Variants in MMS22L observed in about 807,000 individuals in gnomAD.
MMS22L encodes protein MMS22-like.
In MMS22L, 74 loss-of-function variants were observed where a neutral mutation model predicts 159.1. The observed-to-expected ratio is 0.47, with a 90% CI of 0.39 to 0.56. MMS22L has a LOEUF of 0.56. MMS22L is among the 20% of genes least tolerant of loss of function. MMS22L has a pLI of 0.00. For missense variants in MMS22L, 1,351 were observed against 1,422.1 expected (o/e 0.95, Z 0.80); for synonymous variants, 517 against 506.9 (o/e 1.02, Z -0.27).
chr6:97,147,168 G>A (rs1800963569), intron 24 of MMS22L, among the ~76,000 whole-genome samples: 1 of 152,088 alleles, frequency 6.6e-6, no homozygotes, highest in Non-Finnish European at 1.5e-5. Context: ...ATGCTCACGG[G>A]TAATAAAATG....
In MMS22L at chr6:97,254,490, C is replaced by G. The variant is rs1166261380; in HGVS notation, c.1119+67G>C. ...TTTCTTGTTTCTGCTCACTTATTTTCTAATTTGTCCAAATAATTACATATT... is the reference window on the plus strand; with the variant it reads ...TTTCTTGTTTCTGCTCACTTATTTTGTAATTTGTCCAAATAATTACATATT... On this transcript the variant is annotated intron_variant, in intron 10 of 24. Transcript: ENST00000683635. The G allele has an allele frequency of 3.1e-6, 4 of 1,307,840 alleles. No individual in the cohort carries two copies. In the East Asian group the frequency reaches 7.6e-5, roughly 25 times the overall value. The allele number at this position is 1,307,840 out of a possible 1,614,324, so 81.0% of individuals were successfully genotyped here.
chr6:97,256,171 GC>G (rs1813787948), intron 9 of MMS22L, among the ~76,000 whole-genome samples: 1 of 151,778 alleles, frequency 6.6e-6, no homozygotes, highest in Non-Finnish European at 1.5e-5. Context: ...CCCTCTACCT[GC>G]TTGGAAGTTA....
At position 97,231,546 on chromosome 6, in the gene MMS22L, T is replaced by A; in HGVS notation, c.1409A>T (p.Gln470Leu). ...GCTGGATTTATATAGTTCCTGATCTTGTTTATCGCAACAGCAAGTCTTCAC... is the reference window on the plus strand; with the variant it reads ...GCTGGATTTATATAGTTCCTGATCTAGTTTATCGCAACAGCAAGTCTTCAC... ...EMVKTCCCDK[Q>L]DQELYKSSSS... The change falls in exon 13 of 25, where the codon CAA becomes CTA. Residue 470 changes from glutamine to leucine, a missense_variant. Gln to Leu is a moderately radical substitution (Grantham distance 113, BLOSUM62 -2). Coordinates refer to ENST00000683635, the MANE Select transcript of MMS22L (RefSeq NM_001350599.2). 6.2e-7 allele frequency: 1 copy of A among 1,613,850 alleles called. No homozygotes were observed.
chr6:97,239,883 C>G (rs926724450), intron 11 of MMS22L, among the ~76,000 whole-genome samples: 3 of 152,118 alleles, frequency 2.0e-5, no homozygotes, highest in African/African-American at 7.2e-5. Context: ...TCCAATCCAG[C>G]CTGGGTGACA....
intron 9 of MMS22L, among the ~76,000 whole-genome samples, chr6:97,257,158 T>C (rs2128062834): frequency 6.6e-6 from 1 of 152,334 alleles, no homozygotes; most frequent in South Asian, 2.1e-4. Context: ...ATATTTTTGT[T>C]GTTCCACTTC....
chr6:97,147,203 CA>C (rs1800964983), intron 24 of MMS22L, among the ~76,000 whole-genome samples: 1 of 152,066 alleles, frequency 6.6e-6, no homozygotes, highest in South Asian at 2.1e-4. Flanking sequence ...TATTTAAGGA[CA>C]ATGATGGTAT....
At chr6:97,231,312 A>G in intron 13 of MMS22L, 114 bp downstream of exon 13, 1 of 723,958 alleles carries the variant, frequency 1.4e-6, no homozygotes. Context: ...TGGATTACCT[A>G]GTAACATTAT....
chr6:97,198,501 T>G (rs1000146516), intron 14 of MMS22L, among the ~76,000 whole-genome samples: 1 of 152,152 alleles, frequency 6.6e-6, no homozygotes, highest in African/African-American at 2.4e-5. Flanking sequence ...TTACCCACTA[T>G]GTTATTACAT....
At chr6:97,277,467 G>GA (rs1349856858) in intron 4 of MMS22L, among the ~76,000 whole-genome samples, 1 of 151,852 alleles carries the variant, frequency 6.6e-6, no homozygotes, top group Admixed American at 6.6e-5. Flanking sequence ...CCATTACAGT[G>GA]AAACAAGACA....
In MMS22L at chr6:97,178,507, T is replaced by C; in HGVS notation, c.2615A>G (p.Lys872Arg). 6.3e-7 allele frequency: 1 copy of C among 1,589,644 alleles called. No homozygotes were observed. Among genetic ancestry groups the C allele is most frequent in the Non-Finnish European group, 8.6e-7 (1 of 1,163,782 alleles). The change falls in exon 18 of 25, where the codon AAG becomes AGG. Residue 872 changes from lysine to arginine, a missense_variant. By Grantham distance (26) the Lys-to-Arg change is conservative. Coordinates refer to ENST00000683635, the MANE Select transcript of MMS22L (RefSeq NM_001350599.2). Reference protein sequence around the residue: ...NLSEVKSIFSKAQVEYLSISE... With the variant: ...NLSEVKSIFSRAQVEYLSISE... ...GATGGATAAATATTCAACTTGGGCC[T>C]TTGAGAAAATACTCTTTACTTCTGA...
At chr6:97,255,641 T>C (rs1319721452) in intron 9 of MMS22L, among the ~76,000 whole-genome samples, 4 of 152,112 alleles carry the variant, frequency 2.6e-5, no homozygotes, top group African/African-American at 9.6e-5. Context: ...TTATAACTTT[T>C]AGCTGTAGTC....
intron 9 of MMS22L, among the ~76,000 whole-genome samples, chr6:97,262,824 C>T (rs542682253): frequency 6.6e-6 from 1 of 152,246 alleles, no homozygotes; most frequent in South Asian, 2.1e-4. Context: ...GGATACTTCT[C>T]TTTTTCAATA....
chr6:97,181,305 C>T (rs1804681444), intron 16 of MMS22L, among the ~76,000 whole-genome samples: 2 of 152,144 alleles, frequency 1.3e-5, no homozygotes, highest in South Asian at 2.1e-4. Flanking sequence ...TTATTCAAGT[C>T]TTCCTGACCA....
intron 14 of MMS22L, among the ~76,000 whole-genome samples, chr6:97,227,897 C>G (rs1393585035): frequency 6.6e-6 from 1 of 152,216 alleles, no homozygotes; most frequent in Non-Finnish European, 1.5e-5. Flanking sequence ...TTATCCACAT[C>G]AAGTTTGTGT....
intron 17 of MMS22L, among the ~76,000 whole-genome samples, chr6:97,178,815 TA>T (rs1321217661): frequency 6.6e-6 from 1 of 152,092 alleles, no homozygotes; most frequent in Non-Finnish European, 1.5e-5. Context: ...ACTAATATAA[TA>T]AAATATTAAA....
chr6:97,221,219 C>G (rs1809608450), intron 14 of MMS22L, among the ~76,000 whole-genome samples: 1 of 152,002 alleles, frequency 6.6e-6, no homozygotes, highest in South Asian at 2.1e-4. Context: ...ATAAGTAAGT[C>G]AAGATTTTGG....
rs1811826030 is a variant in MMS22L, at chr6:97,239,523, T to C, written c.1183-5543A>G. Among the ~76,000 whole-genome samples the C allele has an allele frequency of 2.6e-5, 4 of 152,336 alleles. No individual in the cohort carries two copies. The South Asian group carries it at 8.3e-4, about 32-fold the overall frequency. On this transcript the variant is annotated intron_variant, in intron 11 of 24. Coordinates refer to ENST00000683635, the MANE Select transcript of MMS22L (RefSeq NM_001350599.2). ...CTTAAGTAAGTAAAATTGAGCAATA[T>C]ACGTTCTCTTTACTAAACTAAAACT...
rs993534821 is a variant in MMS22L, at chr6:97,145,701, ATTC to A, written c.*1102_*1104del. Reference sequence around the variant, plus strand: ...AACAACACTGTCAAATAGTAAAGGGATTCTTCTTTTCTTCTCCATGAAGAAACT... The same window carrying A: ...AACAACACTGTCAAATAGTAAAGGGATTCTTTTCTTCTCCATGAAGAAACT... On this transcript the variant is annotated 3_prime_UTR_variant, in exon 25 of 25. Transcript: ENST00000683635. 4 of 152,142 alleles carry A rather than the reference ATTC, an allele frequency of 2.6e-5. No homozygotes were observed. Among genetic ancestry groups the A allele is most frequent in the African/African-American group, 9.6e-5 (4 of 41,456 alleles). 9.4% of individuals were successfully genotyped at this position (152,142 alleles called of 1,614,324 possible).
chr6:97,202,357 T>A (rs1253395365), intron 14 of MMS22L, among the ~76,000 whole-genome samples: 1 of 152,192 alleles, frequency 6.6e-6, no homozygotes, highest in Non-Finnish European at 1.5e-5. Flanking sequence ...TGAGATCATA[T>A]ACCTTTAAAT....
Sources: allele counts gnomAD v4.1 joint callset (sites outside exome capture counted in the v4.1 genomes callset), GRCh38; gene constraint gnomAD v4.1.1; transcripts MANE v1.5; gene names NCBI Gene and HGNC (gene_info 2026-07-23, HGNC 2026-07-21).